Variants in AKR1C8 observed in about 807,000 individuals in gnomAD.
AKR1C8 encodes the protein aldo-keto reductase family 1 member C8, also known as aldo-keto reductase family 1 member C-like protein 1.
the AKR1C8 span, among the ~76,000 whole-genome samples, chr10:5,178,575 T>C: frequency 6.6e-6 from 1 of 152,216 alleles, no homozygotes; most frequent in Admixed American, 6.5e-5. Flanking sequence ...ATGTTGACAG[T>C]GGGGTGTTAA....
At chr10:5,132,594 C>T in the AKR1C8 span, 1 of 1,554,586 alleles carries the variant, frequency 6.4e-7, no homozygotes, top group Non-Finnish European at 8.8e-7. Flanking sequence ...TTATCATAGG[C>T]ACAGTACCTT....
At chr10:5,166,960 A>G in the AKR1C8 span, among the ~76,000 whole-genome samples, 1 of 151,982 alleles carries the variant, frequency 6.6e-6, no homozygotes, top group Non-Finnish European at 1.5e-5. Context: ...AAACCCATCA[A>G]AAAGTGGGCA....
At chr10:5,164,793 G>C in the AKR1C8 span, among the ~76,000 whole-genome samples, 1 of 152,124 alleles carries the variant, frequency 6.6e-6, no homozygotes, top group Non-Finnish European at 1.5e-5. Context: ...TACTGGCCGA[G>C]GCTACATCTC....
the AKR1C8 span, among the ~76,000 whole-genome samples, chr10:5,139,997 G>C: frequency 6.6e-6 from 1 of 152,152 alleles, no homozygotes; most frequent in Non-Finnish European, 1.5e-5. Flanking sequence ...GACATGAATA[G>C]ACACTTCTCA....
the AKR1C8 span, among the ~76,000 whole-genome samples, chr10:5,147,190 A>T: frequency 1.3e-5 from 2 of 152,148 alleles, no homozygotes; most frequent in African/African-American, 4.8e-5. Flanking sequence ...TTTAACAAGC[A>T]GCCATCAAGA....
At chr10:5,165,432 T>TG in the AKR1C8 span, among the ~76,000 whole-genome samples, 1 of 152,126 alleles carries the variant, frequency 6.6e-6, no homozygotes, top group Non-Finnish European at 1.5e-5. Flanking sequence ...GTCAGCCCTT[T>TG]GCTCAAAACC....
chr10:5,142,287 G>A, the AKR1C8 span, among the ~76,000 whole-genome samples: 2 of 152,112 alleles, frequency 1.3e-5, no homozygotes, highest in East Asian at 3.9e-4. Flanking sequence ...TTGATCTTCT[G>A]TCCACGTCAT....
the AKR1C8 span, among the ~76,000 whole-genome samples, chr10:5,171,924 A>AC: frequency 6.6e-6 from 1 of 152,054 alleles, no homozygotes; most frequent in Non-Finnish European, 1.5e-5. Context: ...TTTCTTACAC[A>AC]CCTTGCACAT....
the AKR1C8 span, among the ~76,000 whole-genome samples, chr10:5,129,737 G>A: frequency 6.6e-6 from 1 of 151,804 alleles, no homozygotes; most frequent in Admixed American, 6.6e-5. Context: ...TAGAAAACCA[G>A]AACAGACCAA....
At chr10:5,140,116 A>C in the AKR1C8 span, among the ~76,000 whole-genome samples, 1 of 152,234 alleles carries the variant, frequency 6.6e-6, no homozygotes, top group Admixed American at 6.5e-5. Flanking sequence ...CACACCAGTT[A>C]GAATGATGAT....
At chr10:5,156,867 T>A in the AKR1C8 span, among the ~76,000 whole-genome samples, 4 of 152,348 alleles carry the variant, frequency 2.6e-5, no homozygotes, top group East Asian at 5.8e-4. Flanking sequence ...ATAATAAAAT[T>A]TGTAGCTGTC....
the AKR1C8 span, among the ~76,000 whole-genome samples, chr10:5,141,035 G>A: frequency 1.3e-5 from 2 of 152,100 alleles, no homozygotes; most frequent in African/African-American, 4.8e-5. Context: ...CTTACACAGT[G>A]TGGAACTTCT....
At chr10:5,121,120 A>C in the AKR1C8 span, among the ~76,000 whole-genome samples, 1 of 152,056 alleles carries the variant, frequency 6.6e-6, no homozygotes, top group Non-Finnish European at 1.5e-5. Context: ...GTCGGGTGCA[A>C]ACACACATAA....
the AKR1C8 span, among the ~76,000 whole-genome samples, chr10:5,135,987 G>A: frequency 2.6e-5 from 4 of 152,172 alleles, no homozygotes; most frequent in Non-Finnish European, 5.9e-5. Context: ...ATTATGACAT[G>A]ATGTTTATTG....
At chr10:5,154,542 C>T in the AKR1C8 span, 2 of 194,368 alleles carry the variant, frequency 1.0e-5, no homozygotes, top group South Asian at 1.9e-4. Flanking sequence ...TGACACAGGG[C>T]CACAGACATG....
chr10:5,124,429 C>T, the AKR1C8 span, among the ~76,000 whole-genome samples: 1 of 151,842 alleles, frequency 6.6e-6, no homozygotes, highest in Non-Finnish European at 1.5e-5. Flanking sequence ...GCTTTTAGCA[C>T]TTCTGAGAGG....
At chr10:5,173,648 TA>T in the AKR1C8 span, among the ~76,000 whole-genome samples, 79,056 of 148,950 alleles carry the variant, frequency 0.53, 21,680 homozygotes, top group Non-Finnish European at 0.6. Flanking sequence ...ACAAAACGAT[TA>T]AAAAAAAAAA....
the AKR1C8 span, chr10:5,154,725 TTACTC>T: frequency 6.6e-6 from 1 of 152,388 alleles, no homozygotes; most frequent in Non-Finnish European, 1.5e-5. Context: ...GACTGAGTCT[TTACTC>T]TGGCAACCAA....
the AKR1C8 span, among the ~76,000 whole-genome samples, chr10:5,177,888 G>A: frequency 1.3e-5 from 2 of 151,880 alleles, no homozygotes; most frequent in Non-Finnish European, 2.9e-5. Context: ...TTATTAGTCT[G>A]GCTAGTGGTC....
Sources: gnomAD v4.1 joint callset for allele counts (sites outside exome capture counted in the v4.1 genomes callset) on GRCh38, gnomAD v4.1.1 for gene constraint, MANE v1.5 for transcripts, NCBI Gene and HGNC (gene_info 2026-07-23, HGNC 2026-07-21) for gene names.